The following RAB31 variants were observed in gnomAD, a reference collection of about 807,000 sequenced individuals.
The protein encoded by RAB31 is ras-related protein Rab-31.
RAB31 carries 21 observed loss-of-function variants against 25.6 expected under a neutral mutation model. The observed-to-expected ratio is 0.82, with a 90% CI of 0.58 to 1.18. The LOEUF (loss-of-function observed/expected upper bound fraction) is 1.18. Ranked by LOEUF, RAB31 falls within the 50% of genes most tolerant of loss-of-function variation. The pLI is 0.00. For synonymous variants in RAB31, 87 were observed against 84.0 expected, an observed-to-expected ratio of 1.04 and a Z score of -0.20; for missense variants, 196 against 250.1, an observed-to-expected ratio of 0.78 and a Z score of 1.46.
chr18:9,846,479 G>A (rs1028792003), intron 6 of RAB31, among the ~76,000 whole-genome samples: 5 of 152,166 alleles, frequency 3.3e-5, no homozygotes, highest in African/African-American at 7.2e-5. Context: ...AAGTTCGACC[G>A]GAGCATTATC....
intron 5 of RAB31, among the ~76,000 whole-genome samples, chr18:9,830,991 G>A (rs923747334): frequency 6.6e-6 from 1 of 152,214 alleles, no homozygotes; most frequent in Non-Finnish European, 1.5e-5. Flanking sequence ...TACGTTGCGT[G>A]TCATGTGCAC....
intron 1 of RAB31, among the ~76,000 whole-genome samples, chr18:9,710,342 G>T (rs1310955620): frequency 6.6e-6 from 1 of 152,232 alleles, no homozygotes; most frequent in African/African-American, 2.4e-5. Context: ...GCTAATCTAT[G>T]AGTTCAGGGT....
At chr18:9,742,841 T>C (rs1599020538) in intron 1 of RAB31, among the ~76,000 whole-genome samples, 1 of 152,196 alleles carries the variant, frequency 6.6e-6, no homozygotes, top group Admixed American at 6.5e-5. Flanking sequence ...CGGCAGCAAG[T>C]GGCAGAGGGG....
In RAB31 at chr18:9,859,257, G is replaced by A. The variant is rs1432882844; in HGVS notation, c.520G>A (p.Glu174Lys). The stretch of plus-strand genomic sequence containing the variant: ...CCAGATCCCACCCTTGGACCCCCAT[G>A]AAAATGGAAACAATGGAACAATCAA... ...SRQIPPLDPH[E>K]NGNNGTIKVE... Residue 174 changes from glutamate to lysine, a missense_variant, in exon 7 of 7, where the codon GAA (glutamate) becomes AAA (lysine). By Grantham distance (56) the Glu-to-Lys change is moderately conservative. Coordinates refer to ENST00000578921, the MANE Select transcript of RAB31 (RefSeq NM_006868.4). The A allele has an allele frequency of 1.1e-5, 17 of 1,613,902 alleles. No individual in the cohort carries two copies. The highest frequency in any genetic ancestry group is 1.3e-5 in the African/African-American group (1 of 75,018).
chr18:9,846,052 A>C (rs1393294903), intron 6 of RAB31, among the ~76,000 whole-genome samples: 1 of 152,234 alleles, frequency 6.6e-6, no homozygotes, highest in African/African-American at 2.4e-5. Flanking sequence ...ATTAGATGGG[A>C]TGACTCTAGG....
Position 9,845,709 on chromosome 18 carries a change from G to A in RAB31, c.490+18G>A. On this transcript the variant is annotated intron_variant, in intron 6 of 6. Coordinates refer to ENST00000578921, the MANE Select transcript of RAB31 (RefSeq NM_006868.4). ...AGGAATCAGTAAGTACCTGAAATTG[G>A]GTTTTCAGCCCAACTTGCATTTTTA... 2 of 1,529,400 alleles carry A rather than the reference G, an allele frequency of 1.3e-6. No homozygotes were observed. Among genetic ancestry groups the A allele is most frequent in the East Asian group, 2.5e-5 (1 of 40,684 alleles). 94.7% of individuals were successfully genotyped at this position (1,529,400 alleles called of 1,614,324 possible). A position where few individuals can be genotyped will look rare whatever the true frequency, so the allele number is the denominator to read the frequency against.
intron 1 of RAB31, among the ~76,000 whole-genome samples, chr18:9,740,233 A>G (rs892575292): frequency 1.4e-4 from 22 of 152,362 alleles, no homozygotes; most frequent in Non-Finnish European, 2.5e-4. Flanking sequence ...TGCCAGTCAT[A>G]TGATGAGTTT....
At chr18:9,839,067 C>CAA (rs2068719214) in intron 5 of RAB31, among the ~76,000 whole-genome samples, 1 of 152,196 alleles carries the variant, frequency 6.6e-6, no homozygotes, top group African/African-American at 2.4e-5. Flanking sequence ...AAACAAAAGC[C>CAA]ACGGTTCTGG....
intron 1 of RAB31, among the ~76,000 whole-genome samples, chr18:9,753,940 G>C (rs2068247875): frequency 6.6e-6 from 1 of 152,272 alleles, no homozygotes; most frequent in East Asian, 1.9e-4. Context: ...CTGATGCAAG[G>C]CGTGTTCTAG....
intron 1 of RAB31, among the ~76,000 whole-genome samples, chr18:9,737,045 G>T (rs899713426): frequency 1.3e-5 from 2 of 152,176 alleles, no homozygotes; most frequent in Non-Finnish European, 2.9e-5. Flanking sequence ...TGGATCAATA[G>T]ATTTCTGTGT....
intron 1 of RAB31, among the ~76,000 whole-genome samples, chr18:9,748,764 G>A (rs1286494161): frequency 6.6e-6 from 1 of 151,666 alleles, no homozygotes; most frequent in Non-Finnish European, 1.5e-5. Flanking sequence ...GGTGGCATGT[G>A]CCTGTAATCC....
intron 1 of RAB31, among the ~76,000 whole-genome samples, chr18:9,714,235 G>A (rs1042023122): frequency 6.6e-5 from 10 of 152,358 alleles, no homozygotes; most frequent in South Asian, 4.1e-4. Flanking sequence ...TTTTGTGGAA[G>A]ACGATTTTTC....
chr18:9,765,713 G>A (rs903893663), intron 1 of RAB31, among the ~76,000 whole-genome samples: 1 of 152,116 alleles, frequency 6.6e-6, no homozygotes. Context: ...AAGTACTTCC[G>A]ATCTCTTTGA....
rs549953613 is a variant in RAB31 at position 9,765,972 on chromosome 18, G to A, written c.40-9306G>A. Among the ~76,000 whole-genome samples, 3 of 152,060 alleles carry A rather than the reference G, an allele frequency of 2.0e-5. No homozygotes were observed. The East Asian group carries it at 5.8e-4, about 29-fold the overall frequency. On this transcript the variant is annotated intron_variant, in intron 1 of 6. Coordinates refer to ENST00000578921, the MANE Select transcript of RAB31 (RefSeq NM_006868.4). Reference sequence around the variant, plus strand: ...TGTAGGGGGTGGGGGAGAGTGGGTGGGAGGAGTATATTCTCTTCCCCTTAG... The same window carrying A: ...TGTAGGGGGTGGGGGAGAGTGGGTGAGAGGAGTATATTCTCTTCCCCTTAG...
At chr18:9,732,566 G>A (rs1457910083) in intron 1 of RAB31, among the ~76,000 whole-genome samples, 2 of 152,208 alleles carry the variant, frequency 1.3e-5, no homozygotes, top group Admixed American at 1.3e-4. Flanking sequence ...TCTGACACCA[G>A]AGCCCATGCT....
chr18:9,709,340 G>C (rs1362628420), intron 1 of RAB31, among the ~76,000 whole-genome samples: 2 of 152,090 alleles, frequency 1.3e-5, no homozygotes, highest in African/African-American at 2.4e-5. Flanking sequence ...TCTTCTAAAA[G>C]AAGAGCCGGT....
chr18:9,750,128 G>A (rs1031899637), intron 1 of RAB31, among the ~76,000 whole-genome samples: 8 of 151,976 alleles, frequency 5.3e-5, no homozygotes, highest in Non-Finnish European at 8.8e-5. Context: ...CGTGGGCAGC[G>A]AGATGGTTGT....
chr18:9,767,468 G>A (rs1209421457), intron 1 of RAB31, among the ~76,000 whole-genome samples: 1 of 152,236 alleles, frequency 6.6e-6, no homozygotes, highest in Non-Finnish European at 1.5e-5. Flanking sequence ...TGAGTTTGTA[G>A]TAAAGGAGTC....
At chr18:9,805,897 G>A (rs1281222438) in intron 3 of RAB31, among the ~76,000 whole-genome samples, 1 of 152,196 alleles carries the variant, frequency 6.6e-6, no homozygotes, top group African/African-American at 2.4e-5. Flanking sequence ...TGTGTCGACT[G>A]GGCGCAGTGG....
Sources: gnomAD v4.1 joint callset for allele counts (sites outside exome capture counted in the v4.1 genomes callset) on GRCh38, gnomAD v4.1.1 for gene constraint, MANE v1.5 for transcripts, NCBI Gene and HGNC (gene_info 2026-07-23, HGNC 2026-07-21) for gene names.